Variants in POU6F2 observed in about 807,000 individuals in gnomAD.
POU6F2 encodes the protein POU domain, class 6, transcription factor 2.
Under a neutral mutation model 71.3 loss-of-function variants are expected in POU6F2, and 31 were observed. The ratio of observed to expected loss-of-function variants is 0.43; its 90% CI spans 0.33 to 0.59. The LOEUF is 0.59. Ranked by LOEUF, POU6F2 falls within the 20% of genes least tolerant of loss-of-function variation. The pLI is 0.04. For synonymous variants in POU6F2, 347 were observed against 355.7 expected, an observed-to-expected ratio of 0.98 and a Z score of 0.27; for missense variants, 783 against 856.8, an observed-to-expected ratio of 0.91 and a Z score of 1.07.
chr7:39,406,223 A>C, intron 5 of POU6F2: 1 of 196,778 alleles, frequency 5.1e-6, no homozygotes, highest in Non-Finnish European at 1.1e-5. Context: ...TTACTCTCCT[A>C]TTCTGTCTGG....
chr7:39,089,040 C>G (rs1791312045), intron 2 of POU6F2, among the ~76,000 whole-genome samples: 1 of 152,168 alleles, frequency 6.6e-6, no homozygotes, highest in Non-Finnish European at 1.5e-5. Flanking sequence ...GTGCTCTGAG[C>G]AGCTCAGAAT....
At chr7:39,238,774 T>C (rs963885994) in intron 4 of POU6F2, among the ~76,000 whole-genome samples, 2 of 152,144 alleles carry the variant, frequency 1.3e-5, no homozygotes, top group African/African-American at 2.4e-5. Context: ...CAGCTCCAAA[T>C]TGGAATCAAT....
Position 39,433,230 on chromosome 7 carries a change from C to A in POU6F2, c.1267C>A (p.Pro423Thr), listed in dbSNP as rs1316353626. ...CACAGTCATTGGGAACCAGATCCTGCCCGTGATCAACACCCAGGGCATCAC... is the reference window on the plus strand; with the variant it reads ...CACAGTCATTGGGAACCAGATCCTGACCGTGATCAACACCCAGGGCATCAC... ...IATVIGNQIL[P>T]VINTQGITLS... Residue 423 changes from proline to threonine, a missense_variant, in exon 7 of 10, where the codon CCC becomes ACC. By Grantham distance (38) the Pro-to-Thr change is conservative (BLOSUM62 -1). Around this residue, in one of 2 missense-constraint regions of POU6F2, gnomAD observed 572 missense variants for 572.9 expected, o/e 1.00. Coordinates refer to ENST00000518318, the MANE Select transcript of POU6F2 (RefSeq NM_001370959.1). 2 of 1,613,262 alleles carry A rather than the reference C, an allele frequency of 1.2e-6. No individual in the cohort carries two copies. Among genetic ancestry groups the A allele is most frequent in the African/African-American group, 2.7e-5 (2 of 74,674 alleles).
chr7:39,438,595 T>C (rs1246003543), intron 7 of POU6F2, among the ~76,000 whole-genome samples: 2 of 152,160 alleles, frequency 1.3e-5, no homozygotes, highest in Non-Finnish European at 1.5e-5. Flanking sequence ...AGAAACACTT[T>C]TGCACTGTTG....
chr7:39,151,708 T>A (rs9639811), intron 2 of POU6F2, among the ~76,000 whole-genome samples: 61,119 of 151,994 alleles, frequency 0.4, 13,243 homozygotes, highest in East Asian at 0.69. Context: ...GATTCATTAA[T>A]TTCCTTAAAA....
chr7:39,003,167 T>A (rs545107772), intron 1 of POU6F2, among the ~76,000 whole-genome samples: 2 of 152,334 alleles, frequency 1.3e-5, no homozygotes, highest in Non-Finnish European at 2.9e-5. Context: ...ATCTAAATAT[T>A]TATGGATGTG....
At chr7:39,023,306 G>A (rs1360946151) in intron 1 of POU6F2, among the ~76,000 whole-genome samples, 1 of 151,928 alleles carries the variant, frequency 6.6e-6, no homozygotes, top group Non-Finnish European at 1.5e-5. Context: ...TCTACACAAA[G>A]GCTTTTAAAA....
chr7:39,270,224 G>C (rs1253739474), intron 4 of POU6F2, among the ~76,000 whole-genome samples: 2 of 152,204 alleles, frequency 1.3e-5, no homozygotes, highest in Admixed American at 1.3e-4. Flanking sequence ...CATGTGACTT[G>C]TGACACGTGA....
intron 7 of POU6F2, among the ~76,000 whole-genome samples, chr7:39,435,284 C>T (rs900109603): frequency 1.2e-4 from 18 of 152,228 alleles, no homozygotes; most frequent in African/African-American, 3.6e-4. Flanking sequence ...TCCACAGCCT[C>T]GTCAGCATCT....
intron 5 of POU6F2, among the ~76,000 whole-genome samples, chr7:39,391,411 A>G (rs1346367488): frequency 6.6e-6 from 1 of 151,916 alleles, no homozygotes. Flanking sequence ...TCCTTTAAGT[A>G]TGGCAATTGA....
chr7:39,286,977 G>C (rs1784662101), intron 4 of POU6F2, among the ~76,000 whole-genome samples: 2 of 150,466 alleles, frequency 1.3e-5, no homozygotes, highest in South Asian at 4.2e-4. Context: ...GAGGGAGTTT[G>C]TAGTCGAATA....
chr7:39,251,824 C>T (rs148292896), intron 4 of POU6F2, among the ~76,000 whole-genome samples: 19 of 152,304 alleles, frequency 1.2e-4, no homozygotes, highest in Admixed American at 2.0e-4. Context: ...TGGGCACAGA[C>T]GTGTTGCAGG....
chr7:39,419,216 G>A (rs1402308038), intron 6 of POU6F2, among the ~76,000 whole-genome samples: 3 of 149,908 alleles, frequency 2.0e-5, no homozygotes, highest in Non-Finnish European at 4.4e-5. Flanking sequence ...CAGGGTGGCT[G>A]ATCTAAAGTA....
At chr7:39,238,041 C>T (rs1017081374) in intron 4 of POU6F2, among the ~76,000 whole-genome samples, 7 of 152,136 alleles carry the variant, frequency 4.6e-5, no homozygotes, top group African/African-American at 1.4e-4. Context: ...CAGAAAAAAG[C>T]GCACATCCCC....
intron 2 of POU6F2, among the ~76,000 whole-genome samples, chr7:39,086,501 C>T (rs1584535651): frequency 6.6e-6 from 1 of 152,054 alleles, no homozygotes; most frequent in East Asian, 1.9e-4. Context: ...GCCAGGTAAA[C>T]AAAGGTGGAC....
intron 1 of POU6F2, among the ~76,000 whole-genome samples, chr7:39,049,481 TTTCA>T (rs1790362170): frequency 6.6e-6 from 1 of 152,048 alleles, no homozygotes; most frequent in Non-Finnish European, 1.5e-5. Flanking sequence ...GATCTCTTTC[TTTCA>T]TTGATTTCTG....
At chr7:39,161,896 C>T (rs1035006857) in intron 2 of POU6F2, among the ~76,000 whole-genome samples, 4 of 152,186 alleles carry the variant, frequency 2.6e-5, no homozygotes, top group Non-Finnish European at 5.9e-5. Flanking sequence ...CGTCATCTTA[C>T]GTGGTATACT....
chr7:38,991,838 T>TTCTC (rs111327791), intron 1 of POU6F2, among the ~76,000 whole-genome samples: 4 of 149,926 alleles, frequency 2.7e-5, no homozygotes, highest in Non-Finnish European at 4.5e-5. Flanking sequence ...TTCCTTTCAC[T>TTCTC]TCTCTCTCTC....
chr7:39,171,337 T>C (rs1793216025), intron 2 of POU6F2, among the ~76,000 whole-genome samples: 1 of 152,190 alleles, frequency 6.6e-6, no homozygotes, highest in African/African-American at 2.4e-5. Flanking sequence ...TATAAAATTA[T>C]TAATTAGAAA....
Sources: gnomAD v4.1 joint callset for allele counts (sites outside exome capture counted in the v4.1 genomes callset) on GRCh38, gnomAD v4.1.1 for gene constraint, gnomAD v4.1.1 regional missense constraint, MANE v1.5 for transcripts, NCBI Gene and HGNC (gene_info 2026-07-23, HGNC 2026-07-21) for gene names.